The following USP28 variants were observed in gnomAD, a reference collection of about 807,000 sequenced individuals.
USP28 encodes the protein ubiquitin specific peptidase 28, also known as ubiquitin carboxyl-terminal hydrolase 28.
USP28 carries 113 observed loss-of-function variants against 145.0 expected under a neutral mutation model. The ratio of observed to expected loss-of-function variants is 0.78; its 90% confidence interval spans 0.67 to 0.91. The LOEUF (loss-of-function observed/expected upper bound fraction) is 0.91, where lower values mean the gene tolerates loss of function less well. USP28 is among the 40% of genes least tolerant of loss of function. The probability of loss-of-function intolerance (pLI) is 0.00; values close to 1 mark genes in which losing one functional copy is unlikely to be tolerated. For missense variants in USP28, 1,201 were observed against 1,289.6 expected (o/e 0.93, Z 1.05); for synonymous variants, 447 against 450.9 (o/e 0.99, Z 0.11).
chr11:113,861,896 T>C (rs1947734901), intron 1 of USP28, among the ~76,000 whole-genome samples: 1 of 152,248 alleles, frequency 6.6e-6, no homozygotes, highest in Non-Finnish European at 1.5e-5. Flanking sequence ...ATACAATTTT[T>C]AACAACATAT....
chr11:113,840,861 A>G (rs1945122081), intron 4 of USP28, 104 bp from the exon 5 acceptor site: 18 of 1,373,322 alleles, frequency 1.3e-5, no homozygotes, highest in Non-Finnish European at 1.7e-5. Context: ...AAACACCAGA[A>G]AAAGTATTTA....
chr11:113,813,975 C>T lies in USP28; in HGVS notation c.1673-20G>A. The T allele has an allele frequency of 6.4e-7, 1 of 1,570,818 alleles. No homozygotes were observed. On this transcript the variant is annotated intron_variant, in intron 14 of 24. Transcript: ENST00000003302. Reference sequence around the variant, plus strand: ...TTAAATCTGTTTGGAAAAAGAAAAACAAAAGCTTCACTAAAATGATCTCAT... The same window carrying T: ...TTAAATCTGTTTGGAAAAAGAAAAATAAAAGCTTCACTAAAATGATCTCAT...
intron 3 of USP28, among the ~76,000 whole-genome samples, chr11:113,849,621 C>A (rs929501301): frequency 6.6e-6 from 1 of 152,106 alleles, no homozygotes; most frequent in African/African-American, 2.4e-5. Flanking sequence ...TCGATGCCAA[C>A]CAGAAGAAAT....
intron 1 of USP28, among the ~76,000 whole-genome samples, chr11:113,866,936 C>T (rs926161619): frequency 6.6e-6 from 1 of 151,912 alleles, no homozygotes; most frequent in African/African-American, 2.4e-5. Context: ...CATATCTATA[C>T]ATACAGTGGA....
chr11:113,818,896 CAAAG>C (rs1315617594), intron 12 of USP28, among the ~76,000 whole-genome samples: 4 of 143,924 alleles, frequency 2.8e-5, no homozygotes, highest in Admixed American at 6.9e-5. Flanking sequence ...AAAAAAAAAA[CAAAG>C]AAGACAAGAC....
chr11:113,827,175 G>C (rs934361467), intron 11 of USP28, 58 bp downstream of exon 11: 1 of 1,560,396 alleles, frequency 6.4e-7, no homozygotes, highest in African/African-American at 1.4e-5. Context: ...TACTTAGTAC[G>C]TGCTCATCTC....
At chr11:113,798,672 C>CT (rs1386506779) in exon 25 of USP28, 1 of 152,640 alleles carries the variant, frequency 6.6e-6, no homozygotes, top group Non-Finnish European at 1.5e-5. Context: ...AGACAGGTCT[C>CT]TTTTGACTTT....
At chr11:113,826,282 C>CA (rs59796496) in intron 11 of USP28, among the ~76,000 whole-genome samples, 70,606 of 99,686 alleles carry the variant, frequency 0.71, 23,735 homozygotes, top group Non-Finnish European at 0.77. Flanking sequence ...GACTCCTTCT[C>CA]AAAAAAAAAA....
intron 3 of USP28, among the ~76,000 whole-genome samples, chr11:113,843,721 C>T (rs1305701979): frequency 8.0e-6 from 1 of 125,292 alleles, no homozygotes; most frequent in African/African-American, 2.9e-5. Flanking sequence ...TAAAATAAAA[C>T]ACAAATATTA....
At chr11:113,809,364 C>T (rs1412316667) in intron 16 of USP28, 110 bp from the exon 17 acceptor site, 1 of 1,037,332 alleles carries the variant, frequency 9.6e-7, no homozygotes, top group African/African-American at 1.6e-5. Context: ...ACTAAAAATA[C>T]ATGCACATAG....
At chr11:113,870,428 G>A (rs898994803) in intron 1 of USP28, among the ~76,000 whole-genome samples, 21 of 152,252 alleles carry the variant, frequency 1.4e-4, no homozygotes, top group African/African-American at 5.1e-4. Context: ...TCAGGAGGCT[G>A]AGGTGGGAGG....
At position 113,826,782 on chromosome 11, in the gene USP28, G is replaced by C. The variant is rs186995276; in HGVS notation, c.1187+451C>G. On this transcript the variant is annotated intron_variant, in intron 11 of 24. Coordinates refer to ENST00000003302, the Ensembl canonical transcript of USP28. ...TAAAAATATAAAATTAGCCGGGTGT[G>C]GTGGTGCATGCCTGTAATTCCAGCT... Among the ~76,000 whole-genome samples the C allele has an allele frequency of 8.3e-3, 1,255 of 151,984 alleles. 17 individuals carry two copies. The highest frequency in any genetic ancestry group is 0.028 in the African/African-American group (1,175 of 41,462).
chr11:113,873,350 C>A (rs1483819602), intron 1 of USP28, among the ~76,000 whole-genome samples: 1 of 152,168 alleles, frequency 6.6e-6, no homozygotes, highest in Admixed American at 6.6e-5. Flanking sequence ...CTGGGAAGAA[C>A]AGTAAATGTC....
chr11:113,833,815 T>A (rs1944285656), intron 6 of USP28, among the ~76,000 whole-genome samples: 1 of 152,214 alleles, frequency 6.6e-6, no homozygotes, highest in African/African-American at 2.4e-5. Context: ...CTCCTTCTCA[T>A]GAGGAAAATG....
intron 16 of USP28, among the ~76,000 whole-genome samples, 184 bp downstream of exon 16, chr11:113,812,092 A>G (rs1249736043): frequency 6.6e-6 from 1 of 152,234 alleles, no homozygotes; most frequent in Non-Finnish European, 1.5e-5. Flanking sequence ...CCCATGGTCA[A>G]GGAAGAAAGT....
intron 1 of USP28, among the ~76,000 whole-genome samples, chr11:113,873,624 C>T (rs1949039206): frequency 6.6e-6 from 1 of 152,152 alleles, no homozygotes; most frequent in African/African-American, 2.4e-5. Flanking sequence ...TTAAAATAGT[C>T]TCTTCTCTAA....
chr11:113,855,409 A>C (rs1299300705), intron 1 of USP28, among the ~76,000 whole-genome samples: 1 of 152,252 alleles, frequency 6.6e-6, no homozygotes, highest in Non-Finnish European at 1.5e-5. Context: ...TGTTGAAAAC[A>C]AAGTAGTTCG....
chr11:113,850,376 T>C (rs1212452426), intron 3 of USP28, among the ~76,000 whole-genome samples: 1 of 152,070 alleles, frequency 6.6e-6, no homozygotes, highest in East Asian at 1.9e-4. Flanking sequence ...ATACATACAA[T>C]GTGGTATATA....
chr11:113,803,729 T>A (rs1939453717), intron 22 of USP28, 69 bp downstream of exon 23: 1 of 1,287,364 alleles, frequency 7.8e-7, no homozygotes, highest in Non-Finnish European at 1.1e-6. Context: ...CTCTTAGTAT[T>A]CCCAGGTAGG....
Sources: allele counts gnomAD v4.1 joint callset (sites outside exome capture counted in the v4.1 genomes callset), GRCh38; gene constraint gnomAD v4.1.1; transcripts MANE v1.5; gene names NCBI Gene and HGNC (gene_info 2026-07-23, HGNC 2026-07-21).